Variants in CTHRC1 observed in about 807,000 individuals in gnomAD.
CTHRC1 encodes collagen triple helix repeat containing 1.
CTHRC1 carries 21 observed loss-of-function variants against 25.9 expected under a neutral mutation model. That is an observed-to-expected ratio of 0.81 (90% CI 0.57 to 1.17). CTHRC1 has a LOEUF of 1.17. CTHRC1 is among the 50% of genes most tolerant of loss of function. The pLI, the probability that CTHRC1 is intolerant of heterozygous loss-of-function variation, is 0.00. For missense variants in CTHRC1, 281 were observed against 304.3 expected (o/e 0.92, Z 0.57); for synonymous variants, 109 against 113.1 (o/e 0.96, Z 0.23).
At position 103,371,662 on chromosome 8, in the gene CTHRC1, AC is replaced by A; in HGVS notation, c.10del (p.Gln4ArgfsTer91). ...CTGCCCGGCAGCCGGGAGCCATGCG[AC>A]CCCAGGGCCCCGCCGCCTCCCCGCA... is the stretch of plus-strand genomic sequence containing the variant. MR[P>X]QGPAASPQRL... On this transcript the variant is annotated frameshift_variant, in exon 1 of 4. Transcript: ENST00000330295. LOFTEE classifies it high-confidence loss of function. The A allele has an allele frequency of 6.5e-7, 1 of 1,532,802 alleles. No individual in the cohort carries two copies. The highest frequency in any genetic ancestry group is 8.8e-7 in the Non-Finnish European group (1 of 1,141,122). 95.0% of individuals were successfully genotyped at this position (1,532,802 alleles called of 1,614,324 possible).
chr8:103,379,435 C>G (rs1401257977), intron 3 of CTHRC1, among the ~76,000 whole-genome samples: 1 of 149,294 alleles, frequency 6.7e-6, no homozygotes, highest in Non-Finnish European at 1.5e-5. Context: ...TTTTAAGATT[C>G]ATTAAAGAAA....
At position 103,378,052 on chromosome 8, in the gene CTHRC1, C is replaced by T; in HGVS notation, c.398C>T (p.Ser133Leu). Residue 133 changes from serine (S) to leucine (L), a missense_variant, in exon 3 of 4, where the codon TCA (serine) becomes TTA (leucine). Coordinates refer to ENST00000330295, the MANE Select transcript of CTHRC1 (RefSeq NM_138455.4). ...IAECTFTKMR[S>L]NSALRVLFSG... ...GAGTGTACATTTACAAAGATGCGTT[C>T]AAATAGTGCTCTAAGAGTTTTGTTC... is the stretch of plus-strand genomic sequence containing the variant. 1 of 1,613,884 alleles carries T rather than the reference C, an allele frequency of 6.2e-7. No homozygotes were observed. Among genetic ancestry groups the T allele is most frequent in the Non-Finnish European group, 8.5e-7 (1 of 1,179,780 alleles).
rs776145170 is a variant in CTHRC1, at chr8:103,375,946, T to G, written c.359T>G (p.Leu120Arg). 5.0e-6 allele frequency: 8 copies of G among 1,612,918 alleles called. No individual in the cohort carries two copies. Among genetic ancestry groups the G allele is most frequent in the Non-Finnish European group, 5.9e-6 (7 of 1,179,026 alleles). Residue 120 changes from leucine to arginine, a missense_variant, in exon 2 of 4, where the codon CTT (leucine) becomes CGT (arginine). Physicochemically the swap from Leu to Arg is moderately radical, Grantham distance 102. Transcript: ENST00000330295. ...AGTTCATTGAATTATGGCATAGATC[T>G]TGGGAAAATTGCGGTAAGTTTGAAT... ...SWSSLNYGID[L>R]GKIAECTFTK...
intron 1 of CTHRC1, 73 bp downstream of exon 1, chr8:103,371,879 G>T (rs1014204059): frequency 1.4e-6 from 2 of 1,399,446 alleles, no homozygotes; most frequent in Admixed American, 5.5e-5. Flanking sequence ...CACGGGCAGG[G>T]CGTCAGTCTG....
intron 2 of CTHRC1, among the ~76,000 whole-genome samples, chr8:103,377,752 C>T (rs570961809): frequency 1.3e-5 from 2 of 152,198 alleles, no homozygotes; most frequent in East Asian, 1.9e-4. Context: ...TACAGGCGTG[C>T]GCCACCACAC....
Position 103,382,578 on chromosome 8 carries a change from T to C in CTHRC1, c.710T>C (p.Ile237Thr), listed in dbSNP as rs375851229. Residue 237 changes from isoleucine (I) to threonine (T), a missense_variant, in exon 4 of 4, where the codon ATT becomes ACT. Ile to Thr is a moderately conservative substitution (Grantham distance 89). Coordinates refer to ENST00000330295, the MANE Select transcript of CTHRC1 (RefSeq NM_138455.4). Reference protein sequence around the residue: ...STGWNSVSRIIIEELPK With the variant: ...STGWNSVSRITIEELPK ...GGATGGAATTCAGTTTCTCGCATCATTATTGAAGAACTACCAAAATAAATG... is the reference window on the plus strand; with the variant it reads ...GGATGGAATTCAGTTTCTCGCATCACTATTGAAGAACTACCAAAATAAATG... 3.1e-6 allele frequency: 5 copies of C among 1,613,416 alleles called. No individual in the cohort carries two copies. The African/African-American group carries it at 4.0e-5, about 13-fold the overall frequency.
intron 2 of CTHRC1, among the ~76,000 whole-genome samples, chr8:103,376,253 C>G (rs1370944043): frequency 6.6e-6 from 1 of 152,158 alleles, no homozygotes; most frequent in Non-Finnish European, 1.5e-5. Flanking sequence ...AAGCAACTTT[C>G]CAATCTTATC....
chr8:103,372,587 A>G (rs1815726914), intron 1 of CTHRC1: 1 of 1,598,342 alleles, frequency 6.3e-7, no homozygotes, highest in Non-Finnish European at 8.5e-7. Flanking sequence ...CAGTCAAGCT[A>G]CGGGAGAAAA....
chr8:103,375,786 G>A lies in CTHRC1; in HGVS notation c.199G>A (p.Gly67Arg), dbSNP rs369008583. 1.1e-5 allele frequency: 18 copies of A among 1,613,912 alleles called. No homozygotes were observed. Among genetic ancestry groups the A allele is most frequent in the East Asian group, 2.2e-5 (1 of 44,876 alleles). The change falls in exon 2 of 4, where the codon GGG (glycine) becomes AGG (arginine). Residue 67 changes from glycine (G) to arginine (R), a missense_variant. Physicochemically the swap from Gly to Arg is moderately radical, Grantham distance 125. Coordinates refer to ENST00000330295, the MANE Select transcript of CTHRC1 (RefSeq NM_138455.4). ...QGPAGVPGRDGSPGANGIPGT... is the reference protein window; with the variant it reads ...QGPAGVPGRDRSPGANGIPGT... ...GCCAGCAGGAGTGCCTGGTCGAGACGGGAGCCCTGGGGCCAATGGCATTCC... is the reference window on the plus strand; with the variant it reads ...GCCAGCAGGAGTGCCTGGTCGAGACAGGAGCCCTGGGGCCAATGGCATTCC...
At chr8:103,381,148 C>T (rs1299711400) in intron 3 of CTHRC1, among the ~76,000 whole-genome samples, 1 of 151,904 alleles carries the variant, frequency 6.6e-6, no homozygotes, top group Non-Finnish European at 1.5e-5. Flanking sequence ...GCATAACGTG[C>T]AGGTTTGTTA....
intron 1 of CTHRC1, among the ~76,000 whole-genome samples, chr8:103,374,636 C>T (rs1815772537): frequency 6.6e-6 from 1 of 152,164 alleles, no homozygotes; most frequent in Non-Finnish European, 1.5e-5. Flanking sequence ...GAAAGGTCCA[C>T]CCAGGGCAGT....
chr8:103,380,320 A>G (rs1424008257), intron 3 of CTHRC1, among the ~76,000 whole-genome samples: 6 of 152,230 alleles, frequency 3.9e-5, no homozygotes, highest in Non-Finnish European at 7.3e-5. Flanking sequence ...CATTGTGTGC[A>G]AACTCATTTG....
In CTHRC1 at chr8:103,372,658, A is replaced by C. The variant is rs1381229932; in HGVS notation, c.150+852A>C. 3 of 1,597,590 alleles carry C rather than the reference A, an allele frequency of 1.9e-6. No individual in the cohort carries two copies. In the South Asian group the frequency reaches 3.3e-5, roughly 18 times the overall value. ...GCTTTCCAGGGGCTCATCTGTGGGAAGGTATGTTTGCTTAAAATCCTTCCC... is the reference window on the plus strand; with the variant it reads ...GCTTTCCAGGGGCTCATCTGTGGGACGGTATGTTTGCTTAAAATCCTTCCC... On this transcript the variant is annotated intron_variant, in intron 1 of 3. Coordinates refer to ENST00000330295, the MANE Select transcript of CTHRC1 (RefSeq NM_138455.4).
At chr8:103,375,102 A>G (rs1389317177) in intron 1 of CTHRC1, among the ~76,000 whole-genome samples, 1 of 152,138 alleles carries the variant, frequency 6.6e-6, no homozygotes, top group Non-Finnish European at 1.5e-5. Flanking sequence ...GAGGCCAGAA[A>G]TGTTATCCAA....
chr8:103,379,871 A>G (rs1160669131), intron 3 of CTHRC1, among the ~76,000 whole-genome samples: 1 of 152,276 alleles, frequency 6.6e-6, no homozygotes, highest in Admixed American at 6.5e-5. Context: ...TCCCCACAAT[A>G]TCCTTGAAAC....
chr8:103,381,460 A>AT (rs746029604), intron 3 of CTHRC1, among the ~76,000 whole-genome samples: 3,170 of 122,264 alleles, frequency 0.026, 92 homozygotes, highest in African/African-American at 0.089. Flanking sequence ...TGACTGAGGG[A>AT]TTTTTTTTTT....
At chr8:103,372,782 C>T in intron 1 of CTHRC1, 1 of 660,084 alleles carries the variant, frequency 1.5e-6, no homozygotes. Flanking sequence ...ATATTATAAA[C>T]TTCAGTCTCA....
intron 1 of CTHRC1, 65 bp downstream of exon 1, chr8:103,371,871 C>CGGGCA (rs1815711120): frequency 2.1e-6 from 3 of 1,421,182 alleles, no homozygotes; most frequent in Admixed American, 2.7e-5. Context: ...GCGCGCCCCA[C>CGGGCA]GGGCAGGGCG....
intron 3 of CTHRC1, among the ~76,000 whole-genome samples, chr8:103,380,265 T>C (rs930572479): frequency 3.9e-5 from 6 of 152,262 alleles, no homozygotes; most frequent in Non-Finnish European, 7.3e-5. Flanking sequence ...CTGTGTCATA[T>C]ACACGCATAT....
Sources: gnomAD v4.1 joint callset for allele counts (sites outside exome capture counted in the v4.1 genomes callset) on GRCh38, gnomAD v4.1.1 for gene constraint, MANE v1.5 for transcripts, NCBI Gene and HGNC (gene_info 2026-07-23, HGNC 2026-07-21) for gene names.